CES5A: variants seen among roughly 807,000 people sequenced by gnomAD.
CES5A encodes carboxylesterase 5.
CES5A carries 67 observed loss-of-function variants against 62.9 expected under a neutral mutation model. The observed-to-expected ratio is 1.07, with a 90% confidence interval of 0.88 to 1.31. The LOEUF (loss-of-function observed/expected upper bound fraction) is 1.31, where lower values mean the gene tolerates loss of function less well. CES5A is among the 50% of genes most tolerant of loss of function. The pLI is 0.00. For missense variants in CES5A, 748 were observed against 708.5 expected, an observed-to-expected ratio of 1.06 and a Z score of -0.63; for synonymous variants, 296 against 280.8, an observed-to-expected ratio of 1.05 and a Z score of -0.54.
chr16:55,898,793 C>T (rs933710653), intron 1 of CES5A, among the ~76,000 whole-genome samples: 1 of 152,156 alleles, frequency 6.6e-6, no homozygotes, highest in Non-Finnish European at 1.5e-5. Flanking sequence ...ACCAGGAAGA[C>T]CAGGGCATGG....
chr16:55,890,611 T>C (rs1413450692), intron 1 of CES5A, among the ~76,000 whole-genome samples: 4 of 152,120 alleles, frequency 2.6e-5, no homozygotes, highest in Non-Finnish European at 5.9e-5. Context: ...TATAAACCTA[T>C]GTGAAAAAAA....
chr16:55,882,795 C>G (rs1250987551), intron 1 of CES5A, among the ~76,000 whole-genome samples: 2 of 152,208 alleles, frequency 1.3e-5, no homozygotes, highest in African/African-American at 4.8e-5. Context: ...TGAAATGTCC[C>G]TTCCTTGAGT....
chr16:55,873,739 T>C (rs2033641261), intron 2 of CES5A, 94 bp downstream of exon 2: 1 of 1,168,156 alleles, frequency 8.6e-7, no homozygotes, highest in Non-Finnish European at 1.2e-6. Flanking sequence ...CCCCCATCCA[T>C]GCCAATCCCT....
chr16:55,918,353 C>G (rs183716077), intron 1 of CES5A, among the ~76,000 whole-genome samples: 1 of 152,156 alleles, frequency 6.6e-6, no homozygotes, highest in Non-Finnish European at 1.5e-5. Flanking sequence ...ACTGTTCCAA[C>G]TATAATAAAT....
At chr16:55,917,038 A>C (rs2034154203) in intron 1 of CES5A, among the ~76,000 whole-genome samples, 1 of 151,814 alleles carries the variant, frequency 6.6e-6, no homozygotes, top group Non-Finnish European at 1.5e-5. Context: ...ATGCCCATTC[A>C]CTCTGCTAAA....
intron 6 of CES5A, 56 bp from the exon 7 acceptor site, chr16:55,861,572 T>A (rs1186627298): frequency 7.7e-7 from 1 of 1,293,150 alleles, no homozygotes; most frequent in Non-Finnish European, 1.1e-6. Flanking sequence ...TCTAGGAAAA[T>A]GAAAGCTTGA....
intron 4 of CES5A, among the ~76,000 whole-genome samples, chr16:55,866,408 C>CTG (rs1354823154): frequency 6.6e-6 from 1 of 152,054 alleles, no homozygotes; most frequent in Non-Finnish European, 1.5e-5. Flanking sequence ...TCCATGAATC[C>CTG]TGTGTTGCCC....
chr16:55,865,220 AC>A (rs2033431950), intron 5 of CES5A, among the ~76,000 whole-genome samples: 1 of 152,178 alleles, frequency 6.6e-6, no homozygotes, highest in African/African-American at 2.4e-5. Flanking sequence ...ACAAAACAAA[AC>A]AAAAAAACCA....
chr16:55,943,271 C>A (rs549009670), intron 2 of CES5A, among the ~76,000 whole-genome samples: 1 of 152,194 alleles, frequency 6.6e-6, no homozygotes, highest in African/African-American at 2.4e-5. Context: ...TTCTCATCAA[C>A]CCCAGGCAGT....
chr16:55,850,109 A>G (rs2033100460), intron 10 of CES5A, among the ~76,000 whole-genome samples: 1 of 152,220 alleles, frequency 6.6e-6, no homozygotes. Context: ...CTGAACTGTA[A>G]GGGTTCTTCT....
In CES5A at chr16:55,846,767, C is replaced by A. The variant is rs199939321; in HGVS notation, c.1496+1G>T. ...TGGGGGAGACCGGGAGGTTTACTTA[C>A]CCGGTTCGAGCAAAGGTAGCCCAGT... On this transcript the variant is annotated splice_donor_variant, in intron 12 of 12. Transcript: ENST00000290567. LOFTEE classifies it high-confidence loss of function. 1 of 1,614,126 alleles carries A rather than the reference C, an allele frequency of 6.2e-7. No individual in the cohort carries two copies.
chr16:55,918,456 G>C (rs1237528938), intron 1 of CES5A, among the ~76,000 whole-genome samples: 2 of 152,050 alleles, frequency 1.3e-5, no homozygotes, highest in Non-Finnish European at 2.9e-5. Flanking sequence ...TTACCTCCCT[G>C]CCTATGTTCT....
chr16:55,938,173 C>T (rs1247420110), intron 2 of CES5A, among the ~76,000 whole-genome samples: 2 of 152,122 alleles, frequency 1.3e-5, no homozygotes, highest in Non-Finnish European at 2.9e-5. Context: ...CAGGAAGCTG[C>T]AGCACATTTC....
At chr16:55,913,175 G>A (rs1269883740) in intron 1 of CES5A, among the ~76,000 whole-genome samples, 1 of 152,168 alleles carries the variant, frequency 6.6e-6, no homozygotes, top group Non-Finnish European at 1.5e-5. Flanking sequence ...GTGCTGATTG[G>A]TCAGGCTGGA....
At chr16:55,912,531 G>T (rs2034104769) in intron 1 of CES5A, among the ~76,000 whole-genome samples, 1 of 151,976 alleles carries the variant, frequency 6.6e-6, no homozygotes, top group Non-Finnish European at 1.5e-5. Context: ...GGCAGAGGAG[G>T]AAGAGAAAGA....
chr16:55,955,072 T>C (rs2034594819), intron 1 of CES5A, among the ~76,000 whole-genome samples: 1 of 152,174 alleles, frequency 6.6e-6, no homozygotes, highest in Non-Finnish European at 1.5e-5. Flanking sequence ...ACATCCCTGA[T>C]CCTCCTCTCT....
intron 9 of CES5A, among the ~76,000 whole-genome samples, chr16:55,855,576 A>G (rs1207991021): frequency 2.6e-5 from 4 of 152,226 alleles, no homozygotes; most frequent in South Asian, 2.1e-4. Flanking sequence ...TGCAGCACCT[A>G]TGCTGCGTGT....
chr16:55,874,715 G>A (rs1186172213), intron 1 of CES5A, among the ~76,000 whole-genome samples: 2 of 152,172 alleles, frequency 1.3e-5, no homozygotes, highest in Admixed American at 6.5e-5. Flanking sequence ...GCATGCAGGG[G>A]TCTCAGTCAC....
At chr16:55,876,907 G>A (rs577311381), upstream of CES5A, among the ~76,000 whole-genome samples, 1 of 152,318 alleles carries the variant, frequency 6.6e-6, no homozygotes, top group East Asian at 1.9e-4. Flanking sequence ...TCATGGACTC[G>A]AGAACAGAGT....
Sources: gnomAD v4.1 joint callset for allele counts (sites outside exome capture counted in the v4.1 genomes callset) on GRCh38, gnomAD v4.1.1 for gene constraint, MANE v1.5 for transcripts, NCBI Gene and HGNC (gene_info 2026-07-23, HGNC 2026-07-21) for gene names.